Variants in DPP10 observed in about 807,000 individuals in gnomAD.
DPP10 encodes the protein inactive dipeptidyl peptidase 10.
Under a neutral mutation model 120.9 loss-of-function variants are expected in DPP10, and 33 were observed. The ratio of observed to expected loss-of-function variants is 0.27; its 90% CI spans 0.21 to 0.37. The LOEUF (loss-of-function observed/expected upper bound fraction) is 0.37, where lower values mean the gene tolerates loss of function less well. Among genes scored for constraint, DPP10 ranks in the 10% least tolerant of loss-of-function variants. The pLI, the probability that DPP10 is intolerant of heterozygous loss-of-function variation, is 1.00. For missense variants in DPP10, 816 were observed against 942.8 expected, an observed-to-expected ratio of 0.87 and a Z score of 1.76; for synonymous variants, 337 against 326.1, an observed-to-expected ratio of 1.03 and a Z score of -0.36.
chr2:114,930,346 T>A (rs887936695), intron 1 of DPP10, among the ~76,000 whole-genome samples: 3 of 152,224 alleles, frequency 2.0e-5, no homozygotes, highest in African/African-American at 7.2e-5. Flanking sequence ...CGCTACCAAA[T>A]CAGGTTGTAA....
chr2:114,995,382 T>C (rs1393177408), intron 1 of DPP10, among the ~76,000 whole-genome samples: 1 of 151,798 alleles, frequency 6.6e-6, no homozygotes, highest in Non-Finnish European at 1.5e-5. Flanking sequence ...TATTACATTT[T>C]GGTTGAATTG....
intron 3 of DPP10, among the ~76,000 whole-genome samples, chr2:115,412,258 T>C (rs1559563513): frequency 6.6e-6 from 1 of 152,210 alleles, no homozygotes; most frequent in Non-Finnish European, 1.5e-5. Context: ...TGTCTATAGA[T>C]GGCTGCTACC....
chr2:114,543,432 A>C (rs1286272220), intron 1 of DPP10, among the ~76,000 whole-genome samples: 1 of 152,154 alleles, frequency 6.6e-6, no homozygotes, highest in Non-Finnish European at 1.5e-5. Flanking sequence ...AATTTCCTTC[A>C]CTTCTTTCTG....
intron 1 of DPP10, among the ~76,000 whole-genome samples, chr2:115,191,646 G>A (rs1325403200): frequency 6.6e-6 from 1 of 152,188 alleles, no homozygotes; most frequent in Non-Finnish European, 1.5e-5. Context: ...TTGGGAGGGG[G>A]CGGCGCTTTC....
intron 1 of DPP10, among the ~76,000 whole-genome samples, chr2:114,524,867 A>G (rs1292643034): frequency 6.6e-6 from 1 of 152,132 alleles, no homozygotes; most frequent in Non-Finnish European, 1.5e-5. Context: ...CTTTTATTAC[A>G]TGAATCTAAA....
At chr2:114,893,593 A>G (rs764330153) in intron 1 of DPP10, among the ~76,000 whole-genome samples, 7 of 152,158 alleles carry the variant, frequency 4.6e-5, no homozygotes, top group Non-Finnish European at 7.4e-5. Context: ...CAAACAGATT[A>G]ACAGATATGA....
At chr2:115,513,593 G>GA (rs1464213862) in intron 4 of DPP10, among the ~76,000 whole-genome samples, 1 of 151,624 alleles carries the variant, frequency 6.6e-6, no homozygotes, top group Non-Finnish European at 1.5e-5. Context: ...TCTTAATTTA[G>GA]AAAAAATTTG....
At chr2:115,756,142 T>C (rs895300219) in intron 11 of DPP10, among the ~76,000 whole-genome samples, 4 of 152,004 alleles carry the variant, frequency 2.6e-5, no homozygotes, top group Non-Finnish European at 5.9e-5. Flanking sequence ...ATTGCACTTA[T>C]AGAAGTAGAG....
intron 3 of DPP10, among the ~76,000 whole-genome samples, chr2:115,376,880 C>A (rs1382017112): frequency 4.7e-5 from 7 of 148,944 alleles, no homozygotes; most frequent in Non-Finnish European, 8.9e-5. Flanking sequence ...AGGACATGAA[C>A]TCATCATTTT....
At chr2:114,944,008 T>A (rs1574539313) in intron 1 of DPP10, among the ~76,000 whole-genome samples, 2 of 152,244 alleles carry the variant, frequency 1.3e-5, no homozygotes, top group East Asian at 3.9e-4. Flanking sequence ...TTAGTTAGCT[T>A]GGTTTTTTAT....
At chr2:114,451,458 GT>G (rs1678270268) in intron 1 of DPP10, among the ~76,000 whole-genome samples, 1 of 152,150 alleles carries the variant, frequency 6.6e-6, no homozygotes, top group East Asian at 1.9e-4. Context: ...TAGGTTTGTC[GT>G]TGGTGGGAAG....
chr2:115,043,437 T>C (rs1559028465), intron 1 of DPP10, among the ~76,000 whole-genome samples: 1 of 152,216 alleles, frequency 6.6e-6, no homozygotes, highest in Admixed American at 6.5e-5. Flanking sequence ...AATTTAGGCA[T>C]GCAAATGTCA....
intron 1 of DPP10, among the ~76,000 whole-genome samples, chr2:114,795,094 A>T (rs1486440382): frequency 6.6e-6 from 1 of 152,144 alleles, no homozygotes; most frequent in Admixed American, 6.5e-5. Context: ...ATATTCAGGT[A>T]TTTAAAAGTT....
chr2:115,121,463 T>A (rs775486497), intron 1 of DPP10, among the ~76,000 whole-genome samples: 5 of 152,316 alleles, frequency 3.3e-5, no homozygotes, highest in Middle Eastern at 3.4e-3. Flanking sequence ...CAGCAATGTC[T>A]GATCTGGGAG....
chr2:115,494,340 G>A (rs939285012), intron 3 of DPP10, among the ~76,000 whole-genome samples: 6 of 152,244 alleles, frequency 3.9e-5, no homozygotes, highest in African/African-American at 7.2e-5. Flanking sequence ...TTCTCTTTGC[G>A]AAGGAGAAAG....
intron 5 of DPP10, among the ~76,000 whole-genome samples, chr2:115,530,079 A>C (rs2148913866): frequency 6.6e-6 from 1 of 152,252 alleles, no homozygotes; most frequent in Non-Finnish European, 1.5e-5. Flanking sequence ...TCAAGGAACA[A>C]TAAAGATACT....
Position 115,012,071 on chromosome 2 carries a change from G to A in DPP10, c.61-297168G>A, listed in dbSNP as rs550643244. Among the ~76,000 whole-genome samples the A allele has an allele frequency of 9.2e-5, 14 of 152,044 alleles. No homozygotes were observed. In the East Asian group the frequency reaches 1.9e-3, roughly 21 times the overall value. Reference sequence around the variant, plus strand: ...AGCAGAGGCAGCCATAATCACCCTCGGAATATAACTCCATTGGACTGAGAA... The same window carrying A: ...AGCAGAGGCAGCCATAATCACCCTCAGAATATAACTCCATTGGACTGAGAA... On this transcript the variant is annotated intron_variant, in intron 1 of 25. Transcript: ENST00000410059.
intron 1 of DPP10, among the ~76,000 whole-genome samples, chr2:115,302,475 G>A (rs1319512578): frequency 6.6e-6 from 1 of 151,988 alleles, no homozygotes; most frequent in Non-Finnish European, 1.5e-5. Context: ...AAAGTAGCCA[G>A]GTATAGTGGT....
chr2:114,676,568 G>C (rs948107564), intron 1 of DPP10, among the ~76,000 whole-genome samples: 2 of 152,032 alleles, frequency 1.3e-5, no homozygotes, highest in Non-Finnish European at 2.9e-5. Context: ...GTCTAGACCA[G>C]TGCTTCTAAA....
Sources: allele counts gnomAD v4.1 joint callset (sites outside exome capture counted in the v4.1 genomes callset), GRCh38; gene constraint gnomAD v4.1.1; transcripts MANE v1.5; gene names NCBI Gene and HGNC (gene_info 2026-07-23, HGNC 2026-07-21).